ZMYM1: variants seen among roughly 807,000 people sequenced by gnomAD.
ZMYM1 encodes zinc finger MYM-type protein 1.
ZMYM1 carries 39 observed loss-of-function variants against 60.0 expected under a neutral mutation model. That is an observed-to-expected ratio of 0.65 (90% CI 0.50 to 0.85). The LOEUF (loss-of-function observed/expected upper bound fraction) is 0.85. Ranked by LOEUF, ZMYM1 falls within the 40% of genes least tolerant of loss-of-function variation. The pLI is 0.00. For synonymous variants in ZMYM1, 413 were observed against 454.0 expected (o/e 0.91, Z 1.15); for missense variants, 1,171 against 1,309.5 (o/e 0.89, Z 1.63).
chr1:35,096,723 TCTCG>T (rs1309718711), intron 3 of ZMYM1, among the ~76,000 whole-genome samples: 1 of 151,738 alleles, frequency 6.6e-6, no homozygotes, highest in Non-Finnish European at 1.5e-5. Context: ...TGAGACGGAG[TCTCG>T]CTCTCGCTCT....
At chr1:35,071,496 C>A (rs987881927) in intron 1 of ZMYM1, among the ~76,000 whole-genome samples, 3 of 151,860 alleles carry the variant, frequency 2.0e-5, no homozygotes, top group Non-Finnish European at 4.4e-5. Flanking sequence ...TCATGCCTGG[C>A]TAACTTTTCT....
intron 1 of ZMYM1, among the ~76,000 whole-genome samples, chr1:35,069,980 G>A (rs1220711546): frequency 6.6e-6 from 1 of 152,080 alleles, no homozygotes; most frequent in African/African-American, 2.4e-5. Context: ...TGCTGTTTTG[G>A]TTACTATAGC....
chr1:35,086,010 C>G (rs561958189), intron 1 of ZMYM1, among the ~76,000 whole-genome samples: 20 of 152,280 alleles, frequency 1.3e-4, no homozygotes, highest in Non-Finnish European at 2.2e-4. Context: ...ACGTGTAAAG[C>G]TGTGGTTTTC....
intron 6 of ZMYM1, among the ~76,000 whole-genome samples, chr1:35,106,367 G>C (rs1332971690): frequency 6.6e-6 from 1 of 152,122 alleles, no homozygotes; most frequent in Non-Finnish European, 1.5e-5. Context: ...CCAGCACTTT[G>C]GGAGGCCGAG....
chr1:35,114,132 C>G lies in ZMYM1; in HGVS notation c.2302C>G (p.Leu768Val). The stretch of plus-strand genomic sequence containing the variant: ...AGAAGTAAAAGAACTCCGAAGTGCT[C>G]TAAAAACTCTCAGTTCTTTGTTCAA... ...CKEVKELRSA[L>V]KTLSSLFNTI... Residue 768 changes from leucine (L) to valine (V), a missense_variant, in exon 10 of 10, where the codon CTA becomes GTA. By Grantham distance (32) the Leu-to-Val change is conservative. Transcript: ENST00000359858. 1 of 1,609,696 alleles carries G rather than the reference C, an allele frequency of 6.2e-7. No homozygotes were observed. Among genetic ancestry groups the G allele is most frequent in the Non-Finnish European group, 8.5e-7 (1 of 1,178,922 alleles).
At chr1:35,082,197 G>A (rs1284770662) in intron 1 of ZMYM1, among the ~76,000 whole-genome samples, 2 of 148,934 alleles carry the variant, frequency 1.3e-5, no homozygotes, top group African/African-American at 2.5e-5. Flanking sequence ...TCTAAAATGC[G>A]GATCTTGTAT....
At chr1:35,107,198 C>T (rs1171122133) in intron 6 of ZMYM1, among the ~76,000 whole-genome samples, 3 of 148,328 alleles carry the variant, frequency 2.0e-5, no homozygotes, top group African/African-American at 7.4e-5. Flanking sequence ...CGGTGGGTCA[C>T]GCCTGTAATC....
At position 35,086,839 on chromosome 1, in the gene ZMYM1, G is replaced by A. The variant is rs961787569; in HGVS notation, c.-74-7075G>A. On this transcript the variant is annotated intron_variant, in intron 1 of 9. Coordinates refer to ENST00000359858, the MANE Select transcript of ZMYM1 (RefSeq NM_024772.5). ...AGGGATTACAGGCGCCCACCACCAC[G>A]CTTGGCTAATTTTTTTTGTATTTTT... 9.2e-5 allele frequency among the ~76,000 whole-genome samples: 14 copies of A among 151,518 alleles called. No individual in the cohort carries two copies. The East Asian group carries it at 1.2e-3, about 13-fold the overall frequency.
intron 6 of ZMYM1, among the ~76,000 whole-genome samples, chr1:35,108,172 A>T (rs1643956748): frequency 6.6e-6 from 1 of 152,244 alleles, no homozygotes. Context: ...GTTAAAGATT[A>T]GTGAATTGTT....
chr1:35,097,663 A>G, intron 4 of ZMYM1, 97 bp downstream of exon 4: 1 of 1,477,066 alleles, frequency 6.8e-7, no homozygotes, highest in Non-Finnish European at 9.3e-7. Context: ...TTATTTTTTG[A>G]GACTGAGTTT....
intron 4 of ZMYM1, among the ~76,000 whole-genome samples, chr1:35,103,025 T>A (rs1021951004): frequency 6.6e-6 from 1 of 152,236 alleles, no homozygotes; most frequent in African/African-American, 2.4e-5. Context: ...ACATGAATAT[T>A]AGCACATTTT....
At chr1:35,073,370 G>GAAGGAAAGA (rs2148479852) in intron 1 of ZMYM1, among the ~76,000 whole-genome samples, 1 of 148,168 alleles carries the variant, frequency 6.7e-6, no homozygotes, top group African/African-American at 2.5e-5. Context: ...AGGAAGGAAG[G>GAAGGAAAGA]AAGGAAAGAA....
intron 1 of ZMYM1, among the ~76,000 whole-genome samples, chr1:35,081,760 A>G (rs1288770984): frequency 6.6e-6 from 1 of 152,220 alleles, no homozygotes; most frequent in African/African-American, 2.4e-5. Flanking sequence ...CAGTGGCACA[A>G]TCTCGGCTCA....
At chr1:35,117,798 G>A (rs1005686781), downstream of ZMYM1, among the ~76,000 whole-genome samples, 1 of 151,972 alleles carries the variant, frequency 6.6e-6, no homozygotes, top group Non-Finnish European at 1.5e-5. Flanking sequence ...AAATTAGCCG[G>A]GCGTGGTGGC....
upstream of ZMYM1, among the ~76,000 whole-genome samples, chr1:35,075,245 T>G (rs1370648133): frequency 2.0e-5 from 3 of 152,194 alleles, no homozygotes; most frequent in African/African-American, 7.2e-5. Context: ...GAAAATCTTT[T>G]TCCATCCTTT....
intron 1 of ZMYM1, among the ~76,000 whole-genome samples, chr1:35,083,130 T>C (rs185643728): frequency 8.5e-5 from 13 of 152,234 alleles, no homozygotes; most frequent in African/African-American, 3.1e-4. Context: ...AGATATTACA[T>C]TGGCTTCTGG....
Position 35,104,590 on chromosome 1 carries a change from C to T in ZMYM1, c.628C>T (p.His210Tyr), listed in dbSNP as rs763400625. ...TGAAGTAAAATACCAAAATGTGAAACATAATCTTTGCAGTAATGCCTGCCT... is the reference window on the plus strand; with the variant it reads ...TGAAGTAAAATACCAAAATGTGAAATATAATCTTTGCAGTAATGCCTGCCT... ...QYEVKYQNVK[H>Y]NLCSNACLSK... The change falls in exon 6 of 10, where the codon CAT (histidine) becomes TAT (tyrosine). Residue 210 changes from histidine to tyrosine, a missense_variant. Coordinates refer to ENST00000359858, the MANE Select transcript of ZMYM1 (RefSeq NM_024772.5). 18 of 1,614,108 alleles carry T rather than the reference C, an allele frequency of 1.1e-5. No individual in the cohort carries two copies. Among genetic ancestry groups the T allele is most frequent in the Non-Finnish European group, 1.5e-5 (18 of 1,180,016 alleles).
In ZMYM1 at chr1:35,113,448, TTATC is replaced by T; in HGVS notation, c.1622_1625del (p.Ser541PhefsTer13). 6.2e-7 allele frequency: 1 copy of T among 1,613,750 alleles called. No individual in the cohort carries two copies. Among genetic ancestry groups the T allele is most frequent in the Non-Finnish European group, 8.5e-7 (1 of 1,179,928 alleles). On this transcript the variant is annotated frameshift_variant, in exon 10 of 10. Transcript: ENST00000359858. LOFTEE classifies it high-confidence loss of function. ...TTGTGATGGAGCTGTCAGTGACGAT[TTATC>T]TATTCATTCGAAACAGATTGAGGGA...
chr1:35,104,991 G>T (rs1643841318), intron 6 of ZMYM1, among the ~76,000 whole-genome samples: 1 of 152,144 alleles, frequency 6.6e-6, no homozygotes, highest in African/African-American at 2.4e-5. Flanking sequence ...TCACCTTAAA[G>T]AAAAGGCAGG....
Sources: allele counts gnomAD v4.1 joint callset (sites outside exome capture counted in the v4.1 genomes callset), GRCh38; gene constraint gnomAD v4.1.1; transcripts MANE v1.5; gene names NCBI Gene and HGNC (gene_info 2026-07-23, HGNC 2026-07-21).